The following GLIS1 variants were observed in gnomAD, a reference collection of about 807,000 sequenced individuals.
GLIS1 encodes zinc finger protein GLIS1.
Under a neutral mutation model 63.8 loss-of-function variants are expected in GLIS1, and 24 were observed. The observed-to-expected ratio is 0.38, with a 90% CI of 0.27 to 0.53. The LOEUF (loss-of-function observed/expected upper bound fraction) is 0.53. GLIS1 is among the 20% of genes least tolerant of loss of function. The pLI, the probability that GLIS1 is intolerant of heterozygous loss-of-function variation, is 0.85. For missense variants in GLIS1, 1,036 were observed against 1,074.1 expected, an observed-to-expected ratio of 0.96 and a Z score of 0.50; for synonymous variants, 450 against 482.5, an observed-to-expected ratio of 0.93 and a Z score of 0.88.
chr1:53,733,911 T>C (rs1646888369), intron 2 of GLIS1: 1 of 985,300 alleles, frequency 1.0e-6, no homozygotes, highest in Non-Finnish European at 1.2e-6. Context: ...TACCTTTCTA[T>C]GAGGGATGCG....
chr1:53,609,266 C>CTTTTTTTT lies in GLIS1; in HGVS notation c.260-8996_260-8989dup, dbSNP rs1221426769. Among the ~76,000 whole-genome samples, 116 of 81,406 alleles carry CTTTTTTTT rather than the reference C, an allele frequency of 1.4e-3. 10 individuals carry two copies. Among genetic ancestry groups the CTTTTTTTT allele is most frequent in the East Asian group, 3.4e-3 (8 of 2,320 alleles). The allele number at this position is 81,406 out of a possible 152,430, so 53.4% of individuals were successfully genotyped here. A position where few individuals can be genotyped will look rare whatever the true frequency, so the allele number is the denominator to read the frequency against. ...TATATTTGGGTATTTGGGTTTAAAT[C>CTTTTTTTT]TTTTTTTTTTTTTTTTTTTTTTTTT... On this transcript the variant is annotated intron_variant, in intron 2 of 10. Coordinates refer to ENST00000628545, the MANE Select transcript of GLIS1 (RefSeq NM_001367484.1).
rs991884143 is a variant in GLIS1 at position 53,574,531 on chromosome 1, G to A, written c.1320+19577C>T. ...CCCACCTAAACACCATTGTACAGGTGAGGAAACAGAAGCTTCAGAAAGGTA... is the reference window on the plus strand; with the variant it reads ...CCCACCTAAACACCATTGTACAGGTAAGGAAACAGAAGCTTCAGAAAGGTA... On this transcript the variant is annotated intron_variant, in intron 4 of 10. Transcript: ENST00000628545. This position sits in a 1 kb window ranked among gnomAD's most constrained non-coding sequence, Gnocchi z 4.2. Among the ~76,000 whole-genome samples, 11 of 152,202 alleles carry A rather than the reference G, an allele frequency of 7.2e-5. No individual in the cohort carries two copies. Among genetic ancestry groups the A allele is most frequent in the Admixed American group, 3.9e-4 (6 of 15,282 alleles).
chr1:53,509,170 G>A lies in GLIS1; in HGVS notation c.2180C>T (p.Pro727Leu), dbSNP rs370061053. 79 of 1,601,532 alleles carry A rather than the reference G, an allele frequency of 4.9e-5. No homozygotes were observed. Among genetic ancestry groups the A allele is most frequent in the Middle Eastern group, 1.9e-4 (1 of 5,232 alleles). ...GCTGTGGTAGCCATTGGGCCGCAGG[G>A]GGTTGAAACCGTGGGTCTCCCCGAC... is the stretch of plus-strand genomic sequence containing the variant. ...GLVGETHGFNPLRPNGYHSLS... is the reference protein window; with the variant it reads ...GLVGETHGFNLLRPNGYHSLS... The change falls in exon 10 of 11, where the codon CCC (proline) becomes CTC (leucine). Residue 727 changes from proline to leucine, a missense_variant. Coordinates refer to ENST00000628545, the MANE Select transcript of GLIS1 (RefSeq NM_001367484.1).
At chr1:53,720,111 G>A (rs1469199629) in intron 2 of GLIS1, among the ~76,000 whole-genome samples, 1 of 152,200 alleles carries the variant, frequency 6.6e-6, no homozygotes, top group Non-Finnish European at 1.5e-5. Context: ...AGGAACCAGA[G>A]GTTGCAATGA....
chr1:53,671,858 A>G (rs1312978798), intron 2 of GLIS1, among the ~76,000 whole-genome samples: 2 of 151,920 alleles, frequency 1.3e-5, no homozygotes, highest in Admixed American at 1.3e-4. Context: ...AAGGCCAAGC[A>G]GGGATTCAAA....
At chr1:53,672,506 G>C (rs1646163376) in intron 2 of GLIS1, among the ~76,000 whole-genome samples, 1 of 152,208 alleles carries the variant, frequency 6.6e-6, no homozygotes, top group Non-Finnish European at 1.5e-5. Context: ...CCTGGGCCTA[G>C]AGTGACTTAT....
At chr1:53,718,960 G>A (rs775482921) in intron 2 of GLIS1, among the ~76,000 whole-genome samples, 2 of 152,130 alleles carry the variant, frequency 1.3e-5, no homozygotes, top group Non-Finnish European at 2.9e-5. Context: ...TGGATGCTTA[G>A]TGCCCACTGT....
At chr1:53,650,435 C>A (rs1241358968) in intron 2 of GLIS1, among the ~76,000 whole-genome samples, 1 of 152,056 alleles carries the variant, frequency 6.6e-6, no homozygotes, top group Non-Finnish European at 1.5e-5. Flanking sequence ...ACTAAAAACA[C>A]AAAAATTAGA....
At chr1:53,702,094 C>T (rs1031749852) in intron 2 of GLIS1, among the ~76,000 whole-genome samples, 1 of 151,916 alleles carries the variant, frequency 6.6e-6, no homozygotes, top group Non-Finnish European at 1.5e-5. Context: ...GGAAGGCAGG[C>T]AGGCTTCCCG....
At chr1:53,628,814 G>A (rs1341783679) in intron 2 of GLIS1, among the ~76,000 whole-genome samples, 3 of 152,092 alleles carry the variant, frequency 2.0e-5, no homozygotes, top group Non-Finnish European at 2.9e-5. Flanking sequence ...ATATAGGGAC[G>A]GGAAACAGCA....
chr1:53,638,122 A>G (rs937221283), intron 2 of GLIS1, among the ~76,000 whole-genome samples: 1 of 152,238 alleles, frequency 6.6e-6, no homozygotes, highest in African/African-American at 2.4e-5. Flanking sequence ...GGGGACTGCC[A>G]CGGGGAGAAG....
chr1:53,689,330 C>T (rs1169090735), intron 2 of GLIS1, among the ~76,000 whole-genome samples: 1 of 152,224 alleles, frequency 6.6e-6, no homozygotes, highest in East Asian at 1.9e-4. Flanking sequence ...CCTGCCTGGG[C>T]AGGACTCACA....
intron 2 of GLIS1, among the ~76,000 whole-genome samples, chr1:53,671,388 T>C (rs554386910): frequency 2.6e-5 from 4 of 152,354 alleles, no homozygotes; most frequent in African/African-American, 4.8e-5. Flanking sequence ...AGAAAGGCCA[T>C]GTCCACCAGG....
chr1:53,562,652 C>T (rs950041308), intron 4 of GLIS1, among the ~76,000 whole-genome samples: 1 of 152,192 alleles, frequency 6.6e-6, no homozygotes, highest in Non-Finnish European at 1.5e-5. Context: ...GCTGGTACAC[C>T]TCCAGATATT....
chr1:53,612,382 G>A (rs2100575711), intron 2 of GLIS1, among the ~76,000 whole-genome samples: 1 of 152,188 alleles, frequency 6.6e-6, no homozygotes, highest in South Asian at 2.1e-4. Flanking sequence ...TGGGACTACA[G>A]GTGCCCGCCA....
chr1:53,684,280 C>T (rs1646307069), intron 2 of GLIS1, among the ~76,000 whole-genome samples: 2 of 152,130 alleles, frequency 1.3e-5, no homozygotes, highest in Admixed American at 6.5e-5. Flanking sequence ...GAACTCAACA[C>T]AGGGCTGGCA....
intron 4 of GLIS1, among the ~76,000 whole-genome samples, chr1:53,546,550 TC>T (rs1644701040): frequency 6.6e-6 from 1 of 152,142 alleles, no homozygotes. Context: ...GGGTTAACAC[TC>T]CCTGTTTGCA....
At chr1:53,700,178 TC>T (rs1465576266) in intron 2 of GLIS1, among the ~76,000 whole-genome samples, 2 of 152,116 alleles carry the variant, frequency 1.3e-5, no homozygotes, top group South Asian at 2.1e-4. Context: ...CGCAAGGCCC[TC>T]GGCCTGGAGG....
intron 2 of GLIS1, among the ~76,000 whole-genome samples, chr1:53,659,085 C>T (rs1645999083): frequency 1.3e-5 from 2 of 152,146 alleles, no homozygotes; most frequent in Admixed American, 1.3e-4. Context: ...CCAGGTACAC[C>T]CATCTGGGCC....
Sources: allele counts gnomAD v4.1 joint callset (sites outside exome capture counted in the v4.1 genomes callset), GRCh38; gene constraint gnomAD v4.1.1; non-coding constraint Gnocchi (gnomAD v3.1); transcripts MANE v1.5; gene names NCBI Gene and HGNC (gene_info 2026-07-23, HGNC 2026-07-21).